Variants in NUMA1 observed in about 807,000 individuals in gnomAD.
NUMA1 encodes SP-H antigen.
Under a neutral mutation model 237.1 loss-of-function variants are expected in NUMA1, and 62 were observed. The ratio of observed to expected loss-of-function variants is 0.26; its 90% confidence interval spans 0.21 to 0.32. NUMA1 has a LOEUF of 0.32. Among genes scored for constraint, NUMA1 ranks in the 10% least tolerant of loss-of-function variants. The pLI, the probability that NUMA1 is intolerant of heterozygous loss-of-function variation, is 1.00. For synonymous variants in NUMA1, 1,028 were observed against 1,066.1 expected (o/e 0.96, Z 0.70); for missense variants, 2,533 against 2,666.5 (o/e 0.95, Z 1.10).
intron 2 of NUMA1, among the ~76,000 whole-genome samples, chr11:72,048,195 C>T (rs1266621192): frequency 6.6e-6 from 1 of 152,092 alleles, no homozygotes; most frequent in Non-Finnish European, 1.5e-5. Context: ...CTCCCGGGTT[C>T]ATGTGATTCT....
intron 5 of NUMA1, chr11:72,024,009 T>C (rs1182717037): frequency 4.8e-6 from 2 of 418,724 alleles, no homozygotes; most frequent in Non-Finnish European, 8.6e-6. Flanking sequence ...GAGTTAAAAG[T>C]GACAGGTCCC....
chr11:72,005,688 C>T, intron 22 of NUMA1: 2 of 493,056 alleles, frequency 4.1e-6, no homozygotes, highest in South Asian at 5.6e-5. Flanking sequence ...CCAGGGGCTC[C>T]CTGGTGCCCA....
At chr11:72,070,743 T>C (rs1943408985) in intron 1 of NUMA1, among the ~76,000 whole-genome samples, 2 of 152,308 alleles carry the variant, frequency 1.3e-5, no homozygotes, top group South Asian at 4.1e-4. Context: ...GACTCCAGCC[T>C]GGGCAACAGA....
Position 72,013,667 on chromosome 11 carries a change from T to C in NUMA1, c.3836A>G (p.Asn1279Ser). 6 of 1,609,452 alleles carry C rather than the reference T, an allele frequency of 3.7e-6. No homozygotes were observed. The highest frequency in any genetic ancestry group is 5.1e-6 in the Non-Finnish European group (6 of 1,179,970). The stretch of plus-strand genomic sequence containing the variant: ...GCTGCGTTCTGCAGCTCTGGCACTG[T>C]TGCTGGCTGTCTCTGCCTGCAGCAG... ...LRLLQAETAS[N>S]SARAAERSSA... Residue 1279 changes from asparagine (N) to serine (S), a missense_variant, in exon 15 of 27, where the codon AAC becomes AGC. Coordinates refer to ENST00000393695, the MANE Select transcript of NUMA1 (RefSeq NM_006185.4). This position sits in a 1 kb window ranked among gnomAD's most constrained non-coding sequence, Gnocchi z 6.8.
chr11:72,017,516 A>T, intron 13 of NUMA1, 171 bp downstream of exon 13: 1 of 769,572 alleles, frequency 1.3e-6, no homozygotes, highest in South Asian at 1.6e-5. Flanking sequence ...AATAAGTTAA[A>T]AAAAAAAGGT....
At chr11:72,064,306 T>TA (rs1389767752) in intron 2 of NUMA1, among the ~76,000 whole-genome samples, 3 of 147,700 alleles carry the variant, frequency 2.0e-5, no homozygotes, top group Admixed American at 6.8e-5. Context: ...AAAATAAAAA[T>TA]AAAAAAAATA....
intron 2 of NUMA1, among the ~76,000 whole-genome samples, chr11:72,059,360 T>A (rs925850508): frequency 1.4e-4 from 22 of 152,126 alleles, no homozygotes; most frequent in African/African-American, 4.6e-4. Context: ...CACTGCAACC[T>A]CAACCACCTG....
At chr11:72,010,912 T>G in intron 16 of NUMA1, 58 bp from the exon 17 acceptor site, 1 of 1,456,854 alleles carries the variant, frequency 6.9e-7, no homozygotes, top group Non-Finnish European at 9.6e-7. Context: ...ATGTTCATCC[T>G]GGATGTCCAC....
intron 2 of NUMA1, among the ~76,000 whole-genome samples, chr11:72,036,689 G>A (rs1308010655): frequency 1.3e-5 from 2 of 152,132 alleles, no homozygotes; most frequent in Admixed American, 6.5e-5. Context: ...GGATGAGGTC[G>A]AGCCCAATTC....
At chr11:72,074,214 G>A (rs1236804126) in intron 1 of NUMA1, among the ~76,000 whole-genome samples, 8 of 15,102 alleles carry the variant, frequency 5.3e-4, no homozygotes, top group African/African-American at 1.4e-3. Flanking sequence ...TAACCAGACG[G>A]TAGTGGTGTG....
intron 3 of NUMA1, among the ~76,000 whole-genome samples, chr11:72,033,435 G>A (rs111263071): frequency 0.045 from 6,747 of 149,800 alleles, 490 homozygotes; most frequent in African/African-American, 0.16. Flanking sequence ...GTAGTGGCAC[G>A]ATCACAGCTC....
chr11:72,028,759 G>A (rs1939913682), intron 4 of NUMA1, among the ~76,000 whole-genome samples: 1 of 152,244 alleles, frequency 6.6e-6, no homozygotes, highest in Non-Finnish European at 1.5e-5. Context: ...AGTTAGAGAT[G>A]AGATTTCTAG....
At chr11:72,007,079 A>G in intron 21 of NUMA1, 110 bp downstream of exon 21, 1 of 1,336,460 alleles carries the variant, frequency 7.5e-7, no homozygotes, top group South Asian at 1.3e-5. Context: ...CCACTGTAAC[A>G]TGGACTGGCT....
At position 72,012,958 on chromosome 11, in the gene NUMA1, G is replaced by A; in HGVS notation, c.4545C>T (p.Ala1515=). Residue 1515 remains alanine (A), a synonymous_variant, in exon 15 of 27, where the codon GCC becomes GCT. Coordinates refer to ENST00000393695, the MANE Select transcript of NUMA1 (RefSeq NM_006185.4). ...GCCTCTCCTCCAGGACCTTGACCTT[G>A]GCACCCTCATACTTGGCAGTCATCA... The part of the protein sequence containing the change: ...LEVMTAKYEG[A]KVKVLEERQR... 1 of 1,614,086 alleles carries A rather than the reference G, an allele frequency of 6.2e-7. No homozygotes were observed.
At chr11:72,079,928 C>G (rs1466730865) in intron 1 of NUMA1, among the ~76,000 whole-genome samples, 1 of 152,082 alleles carries the variant, frequency 6.6e-6, no homozygotes, top group East Asian at 1.9e-4. Flanking sequence ...TATGCCCAAC[C>G]CATAAACCCA....
chr11:72,014,060 C>A lies in NUMA1; in HGVS notation c.3443G>T (p.Arg1148Leu), dbSNP rs769396901. 9 of 1,610,784 alleles carry A rather than the reference C, an allele frequency of 5.6e-6. No individual in the cohort carries two copies. The East Asian group carries it at 1.8e-4, about 32-fold the overall frequency. ...GGAGGCCCGCTCAGCCTCGAGGCTG[C>A]GTTCCAGGCTGTCAGCCTGCTCCTG... is the stretch of plus-strand genomic sequence containing the variant. ...KQQEQADSLE[R>L]SLEAERASRA... Residue 1148 changes from arginine to leucine, a missense_variant, in exon 15 of 27, where the codon CGC becomes CTC. Arg to Leu is a moderately radical substitution (Grantham distance 102, BLOSUM62 -2). Transcript: ENST00000393695. The surrounding 1 kb of genome is among the most constrained non-coding windows in gnomAD (Gnocchi z 4.6).
Position 72,003,523 on chromosome 11 carries a change from C to A in NUMA1, c.*4G>T, listed in dbSNP as rs1251917416. On this transcript the variant is annotated 3_prime_UTR_variant, in exon 27 of 27. Coordinates refer to ENST00000393695, the MANE Select transcript of NUMA1 (RefSeq NM_006185.4). ...AGGTGGGGCCACTCACTGGTACTGGCCCTTTAGTGCTTTGCCTGAAAGAGA... is the reference window on the plus strand; with the variant it reads ...AGGTGGGGCCACTCACTGGTACTGGACCTTTAGTGCTTTGCCTGAAAGAGA... The A allele has an allele frequency of 6.2e-7, 1 of 1,613,962 alleles. No individual in the cohort carries two copies. The highest frequency in any genetic ancestry group is 8.5e-7 in the Non-Finnish European group (1 of 1,179,958).
In NUMA1 at chr11:72,055,993, CACACAAT is replaced by C. The variant is rs1398805209; in HGVS notation, c.-33+13842_-33+13848del. Among the ~76,000 whole-genome samples the C allele has an allele frequency of 2.0e-4, 18 of 92,106 alleles. No individual in the cohort carries two copies. The East Asian group carries it at 4.3e-3, about 22-fold the overall frequency. The allele number at this position is 92,106 out of a possible 152,430, so 60.4% of individuals were successfully genotyped here. A position where few individuals can be genotyped will look rare whatever the true frequency, so the allele number is the denominator to read the frequency against. ...ACACACACACACACACACACACACA[CACACAAT>C]TAGCCAGGTGTGGTGGTGCACGCCT... On this transcript the variant is annotated intron_variant, in intron 2 of 26. Transcript: ENST00000393695.
At chr11:72,034,479 A>T (rs1213995341) in intron 3 of NUMA1, among the ~76,000 whole-genome samples, 1 of 151,860 alleles carries the variant, frequency 6.6e-6, no homozygotes, top group Non-Finnish European at 1.5e-5. Flanking sequence ...GAGGTCAAGG[A>T]GGGCGGACCA....
Sources: allele counts gnomAD v4.1 joint callset (sites outside exome capture counted in the v4.1 genomes callset), GRCh38; gene constraint gnomAD v4.1.1; non-coding constraint Gnocchi (gnomAD v3.1); transcripts MANE v1.5; gene names NCBI Gene and HGNC (gene_info 2026-07-23, HGNC 2026-07-21).